The following FBXL7 variants were observed in gnomAD, a reference collection of about 807,000 sequenced individuals.
The protein encoded by FBXL7 is F-box/LRR-repeat protein 7.
FBXL7 carries 12 observed loss-of-function variants against 38.3 expected under a neutral mutation model. That is an observed-to-expected ratio of 0.31 (90% confidence interval 0.20 to 0.51). The LOEUF is 0.51. Ranked by LOEUF, FBXL7 falls within the 20% of genes least tolerant of loss-of-function variation. FBXL7 has a pLI of 0.98. For synonymous variants in FBXL7, 297 were observed against 300.9 expected, an observed-to-expected ratio of 0.99 and a Z score of 0.13; for missense variants, 567 against 676.4, an observed-to-expected ratio of 0.84 and a Z score of 1.79.
At chr5:15,832,513 G>C (rs1285679550) in intron 2 of FBXL7, among the ~76,000 whole-genome samples, 2 of 152,132 alleles carry the variant, frequency 1.3e-5, no homozygotes, top group Non-Finnish European at 2.9e-5. Flanking sequence ...TTTCATCTCA[G>C]GTTCAACTGA....
intron 2 of FBXL7, among the ~76,000 whole-genome samples, chr5:15,848,027 ACTC>A (rs1294367072): frequency 3.3e-5 from 5 of 151,958 alleles, no homozygotes; most frequent in African/African-American, 1.2e-4. Context: ...CCCAAACAAT[ACTC>A]CTGACCCACA....
At chr5:15,852,559 C>T (rs1234332203) in intron 2 of FBXL7, among the ~76,000 whole-genome samples, 2 of 152,026 alleles carry the variant, frequency 1.3e-5, no homozygotes, top group African/African-American at 2.4e-5. Context: ...CTGTTGAAAA[C>T]TATAATAGAA....
intron 1 of FBXL7, among the ~76,000 whole-genome samples, chr5:15,557,800 A>G (rs1738292728): frequency 6.6e-6 from 1 of 152,214 alleles, no homozygotes; most frequent in Non-Finnish European, 1.5e-5. Context: ...AGGCAGTGGG[A>G]GAGAACTGGA....
intron 1 of FBXL7, among the ~76,000 whole-genome samples, chr5:15,505,356 T>C (rs967397574): frequency 6.6e-6 from 1 of 152,126 alleles, no homozygotes; most frequent in African/African-American, 2.4e-5. Flanking sequence ...GTAGGCTGAA[T>C]GGGGACCCGG....
Position 15,829,505 on chromosome 5 carries a change from A to G in FBXL7, c.128-98385A>G, listed in dbSNP as rs1264079196. On this transcript the variant is annotated intron_variant, in intron 2 of 3. Transcript: ENST00000504595. ...AACAAACAAAGCATGGTCCAATATC[A>G]TCTCAAGAAATAAATGGTTAAAAAT... Among the ~76,000 whole-genome samples the G allele has an allele frequency of 2.6e-5, 4 of 152,314 alleles. No individual in the cohort carries two copies. The East Asian group carries it at 7.7e-4, about 29-fold the overall frequency.
At chr5:15,580,276 A>G (rs754372711) in intron 1 of FBXL7, among the ~76,000 whole-genome samples, 34 of 152,032 alleles carry the variant, frequency 2.2e-4, no homozygotes, top group African/African-American at 7.7e-4. Context: ...TTAACTTCCA[A>G]CCTCCAGCAC....
At chr5:15,905,297 G>C (rs1741328726) in intron 2 of FBXL7, among the ~76,000 whole-genome samples, 1 of 152,132 alleles carries the variant, frequency 6.6e-6, no homozygotes, top group South Asian at 2.1e-4. Flanking sequence ...TTAAGGTGTT[G>C]TTTTCATTTT....
intron 2 of FBXL7, among the ~76,000 whole-genome samples, chr5:15,730,825 G>C (rs2126662802): frequency 6.6e-6 from 1 of 152,208 alleles, no homozygotes; most frequent in Non-Finnish European, 1.5e-5. Context: ...ATTTATTCCA[G>C]GGCTTATAAA....
At chr5:15,755,156 C>A (rs1054793672) in intron 2 of FBXL7, among the ~76,000 whole-genome samples, 13 of 152,168 alleles carry the variant, frequency 8.5e-5, no homozygotes, top group African/African-American at 3.1e-4. Flanking sequence ...TGCCTGAAAA[C>A]AAGTTTGTAA....
intron 2 of FBXL7, among the ~76,000 whole-genome samples, chr5:15,923,197 A>G (rs899959714): frequency 1.3e-5 from 2 of 152,230 alleles, no homozygotes; most frequent in African/African-American, 4.8e-5. Flanking sequence ...TCTCAGAAGA[A>G]TCAGCAGCTA....
At chr5:15,882,422 C>T (rs913311172) in intron 2 of FBXL7, among the ~76,000 whole-genome samples, 2 of 152,088 alleles carry the variant, frequency 1.3e-5, no homozygotes, top group Non-Finnish European at 2.9e-5. Flanking sequence ...CTTGTGGGAC[C>T]TAGTCCAGGT....
chr5:15,660,607 C>G (rs1742031944), intron 2 of FBXL7, among the ~76,000 whole-genome samples: 1 of 152,200 alleles, frequency 6.6e-6, no homozygotes. Flanking sequence ...ATCTGCCCGT[C>G]TTGGCCTCTC....
At chr5:15,519,115 G>A (rs1166704068) in intron 1 of FBXL7, among the ~76,000 whole-genome samples, 3 of 151,918 alleles carry the variant, frequency 2.0e-5, no homozygotes, top group Admixed American at 6.6e-5. Context: ...AGGCTGAGGC[G>A]GGCGGATCAC....
intron 1 of FBXL7, among the ~76,000 whole-genome samples, chr5:15,614,283 T>A (rs984987875): frequency 7.0e-6 from 1 of 142,808 alleles, no homozygotes; most frequent in African/African-American, 2.6e-5. Context: ...TCTTTTTTTT[T>A]TTTTGAGACG....
In FBXL7 at chr5:15,500,605, C is replaced by T. The variant is rs1487288018; in HGVS notation, c.-72C>T. On this transcript the variant is annotated 5_prime_UTR_variant, in exon 1 of 4. Transcript: ENST00000504595. The stretch of plus-strand genomic sequence containing the variant: ...ACGGTCCCGTCGGGCGGGCTTTCCT[C>T]GGGCCGAGCGCGCAGGACGTGCGCC... The T allele has an allele frequency of 2.8e-5, 45 of 1,606,436 alleles. No individual in the cohort carries two copies. The highest frequency in any genetic ancestry group is 1.1e-4 in the East Asian group (5 of 44,692).
intron 2 of FBXL7, among the ~76,000 whole-genome samples, chr5:15,796,582 C>G (rs1259491941): frequency 6.6e-6 from 1 of 152,142 alleles, no homozygotes; most frequent in Non-Finnish European, 1.5e-5. Context: ...ATCCTGGGTA[C>G]AGACACAGGT....
intron 2 of FBXL7, among the ~76,000 whole-genome samples, chr5:15,772,656 T>A (rs1466507339): frequency 6.6e-6 from 1 of 152,124 alleles, no homozygotes; most frequent in African/African-American, 2.4e-5. Context: ...CAAGAATTTT[T>A]AAAAAATGGC....
At chr5:15,821,722 A>C (rs1247463514) in intron 2 of FBXL7, among the ~76,000 whole-genome samples, 2 of 152,230 alleles carry the variant, frequency 1.3e-5, no homozygotes, top group Admixed American at 6.5e-5. Context: ...GACTTTCCAG[A>C]TTTTAAGTGT....
chr5:15,927,866 C>T, intron 2 of FBXL7, 24 bp from the exon 3 acceptor site: 2 of 1,511,026 alleles, frequency 1.3e-6, no homozygotes, highest in South Asian at 1.3e-5. Context: ...TCATGATTAA[C>T]CTTTGTTCTC....
Sources: allele counts gnomAD v4.1 joint callset (sites outside exome capture counted in the v4.1 genomes callset), GRCh38; gene constraint gnomAD v4.1.1; transcripts MANE v1.5; gene names NCBI Gene and HGNC (gene_info 2026-07-23, HGNC 2026-07-21).